BCAR3: variants seen among roughly 807,000 people sequenced by gnomAD.
BCAR3 encodes the protein breast cancer anti-estrogen resistance protein 3.
In BCAR3, 37 loss-of-function variants were observed where a neutral mutation model predicts 80.1. That is an observed-to-expected ratio of 0.46 (90% CI 0.36 to 0.61). The LOEUF is 0.61. Ranked by LOEUF, BCAR3 falls within the 20% of genes least tolerant of loss-of-function variation. The pLI is 0.00. For synonymous variants in BCAR3, 389 were observed against 418.9 expected, an observed-to-expected ratio of 0.93 and a Z score of 0.87; for missense variants, 978 against 1,068.2, an observed-to-expected ratio of 0.92 and a Z score of 1.18.
chr1:93,704,739 G>A (rs1571061071), intron 3 of BCAR3, among the ~76,000 whole-genome samples: 2 of 152,206 alleles, frequency 1.3e-5, no homozygotes, highest in Admixed American at 1.3e-4. Context: ...ATGGTAGAAG[G>A]CCAAGTCAGG....
intron 2 of BCAR3, among the ~76,000 whole-genome samples, chr1:93,736,042 GGA>G (rs1650960188): frequency 2.0e-5 from 3 of 152,070 alleles, no homozygotes; most frequent in African/African-American, 7.2e-5. Flanking sequence ...GGAGCATCTG[GGA>G]GAGAGAAAAC....
intron 2 of BCAR3, among the ~76,000 whole-genome samples, chr1:93,647,970 C>T (rs2101916149): frequency 6.6e-6 from 1 of 152,186 alleles, no homozygotes; most frequent in South Asian, 2.1e-4. Flanking sequence ...ATGGGGATTT[C>T]ACCATGTTGG....
intron 7 of BCAR3, among the ~76,000 whole-genome samples, chr1:93,576,436 T>C (rs1327100085): frequency 6.6e-6 from 1 of 152,242 alleles, no homozygotes; most frequent in Non-Finnish European, 1.5e-5. Context: ...TCTGAGCTTT[T>C]GTCTGACACC....
chr1:93,706,047 C>A (rs1299657532), intron 3 of BCAR3: 2 of 152,310 alleles, frequency 1.3e-5, no homozygotes, highest in African/African-American at 4.8e-5. Context: ...CAGTTTCTGC[C>A]CTGCACTCTG....
At chr1:93,582,273 G>A (rs536677163) in intron 7 of BCAR3, 28 bp downstream of exon 7, 2 of 1,597,436 alleles carry the variant, frequency 1.3e-6, no homozygotes, top group African/African-American at 1.3e-5. Context: ...TGAAAAGCCA[G>A]AGGAGCACCA....
chr1:93,619,100 A>ATT (rs34715455), intron 3 of BCAR3, among the ~76,000 whole-genome samples: 16 of 126,720 alleles, frequency 1.3e-4, no homozygotes, highest in East Asian at 2.2e-4. Flanking sequence ...CACCACGCCA[A>ATT]TTTTTTTTTT....
chr1:93,832,424 C>T (rs1654599009), intron 2 of BCAR3, among the ~76,000 whole-genome samples: 1 of 152,200 alleles, frequency 6.6e-6, no homozygotes, highest in Admixed American at 6.5e-5. Context: ...GACCCCACTG[C>T]AAATCAGACT....
At chr1:93,813,545 C>T (rs1480925658) in intron 2 of BCAR3, among the ~76,000 whole-genome samples, 1 of 152,158 alleles carries the variant, frequency 6.6e-6, no homozygotes, top group Non-Finnish European at 1.5e-5. Flanking sequence ...TCCATGTGCC[C>T]TTTGCCCAGA....
chr1:93,683,773 A>G (rs1218418904), upstream of BCAR3, among the ~76,000 whole-genome samples: 3 of 152,208 alleles, frequency 2.0e-5, no homozygotes, highest in Non-Finnish European at 4.4e-5. Context: ...GGTTATATTG[A>G]GCTGTGGATT....
chr1:93,789,910 T>A (rs1653083036), intron 2 of BCAR3, among the ~76,000 whole-genome samples: 1 of 151,894 alleles, frequency 6.6e-6, no homozygotes, highest in Non-Finnish European at 1.5e-5. Flanking sequence ...CCTTGAGGAG[T>A]CAGGTGGAAG....
intron 7 of BCAR3, among the ~76,000 whole-genome samples, chr1:93,576,894 C>T (rs1570920179): frequency 1.3e-5 from 2 of 152,196 alleles, no homozygotes; most frequent in African/African-American, 2.4e-5. Flanking sequence ...GTGGCTTATG[C>T]CTCTAATCCC....
At chr1:93,754,830 TTA>T (rs1049606654) in intron 2 of BCAR3, among the ~76,000 whole-genome samples, 1 of 152,210 alleles carries the variant, frequency 6.6e-6, no homozygotes, top group African/African-American at 2.4e-5. Flanking sequence ...TTATGTTATT[TTA>T]GAGTGTACCC....
intron 2 of BCAR3, among the ~76,000 whole-genome samples, chr1:93,714,214 C>T (rs1339746119): frequency 6.6e-6 from 1 of 152,224 alleles, no homozygotes; most frequent in African/African-American, 2.4e-5. Flanking sequence ...ATCTCCTGAC[C>T]TCGTGATCCG....
intron 2 of BCAR3, among the ~76,000 whole-genome samples, chr1:93,658,181 C>A (rs531067381): frequency 1.3e-5 from 2 of 152,012 alleles, no homozygotes; most frequent in Non-Finnish European, 2.9e-5. Context: ...CCTCGTGATC[C>A]GCCCGCCTCG....
At chr1:93,715,050 A>G (rs369710972) in intron 2 of BCAR3, among the ~76,000 whole-genome samples, 37 of 152,324 alleles carry the variant, frequency 2.4e-4, no homozygotes, top group African/African-American at 8.9e-4. Flanking sequence ...TATTTACTTG[A>G]ACACTCATTC....
At chr1:93,728,523 G>A (rs975861366) in intron 2 of BCAR3, among the ~76,000 whole-genome samples, 1 of 152,210 alleles carries the variant, frequency 6.6e-6, no homozygotes, top group Non-Finnish European at 1.5e-5. Context: ...ATTGGATCAC[G>A]CGTGGACTTG....
intron 7 of BCAR3, among the ~76,000 whole-genome samples, chr1:93,580,547 A>T (rs1386547627): frequency 6.6e-6 from 1 of 152,008 alleles, no homozygotes; most frequent in Non-Finnish European, 1.5e-5. Flanking sequence ...GGTATGAAAC[A>T]TGTAGACTTT....
At chr1:93,599,184 T>C (rs936068913) in intron 3 of BCAR3, 2 of 152,100 alleles carry the variant, frequency 1.3e-5, no homozygotes, top group Admixed American at 6.5e-5. Context: ...AAGAAGATAC[T>C]CTATCCCACT....
chr1:93,717,084 C>A (rs999449366), intron 2 of BCAR3, among the ~76,000 whole-genome samples: 5 of 152,168 alleles, frequency 3.3e-5, no homozygotes, highest in Admixed American at 2.6e-4. Flanking sequence ...CTCAAGAAAC[C>A]GCACAGTATC....
Sources: allele counts gnomAD v4.1 joint callset (sites outside exome capture counted in the v4.1 genomes callset), GRCh38; gene constraint gnomAD v4.1.1; transcripts MANE v1.5; gene names NCBI Gene and HGNC (gene_info 2026-07-23, HGNC 2026-07-21).